The following DHRSX variants were observed in gnomAD, a reference collection of about 807,000 sequenced individuals.
DHRSX encodes dehydrogenase/reductase X-linked.
DHRSX carries 31 observed loss-of-function variants against 34.0 expected under a neutral mutation model. The observed-to-expected ratio is 0.91, with a 90% CI of 0.69 to 1.23. The LOEUF (loss-of-function observed/expected upper bound fraction) is 1.23. Ranked by LOEUF, DHRSX falls within the 50% of genes most tolerant of loss-of-function variation. DHRSX has a pLI of 0.00. For missense variants in DHRSX, 414 were observed against 428.1 expected (o/e 0.97, Z 0.29); for synonymous variants, 201 against 183.8 (o/e 1.09, Z -0.76).
intron 1 of DHRSX, among the ~76,000 whole-genome samples, chrX:2,455,418 G>A (rs996168791): frequency 6.6e-6 from 1 of 151,018 alleles, no homozygotes; most frequent in Non-Finnish European, 1.5e-5. Flanking sequence ...CCCGTGTAAC[G>A]AACCTGCGCA....
At chrX:2,402,905 G>C (rs1376589129) in intron 3 of DHRSX, among the ~76,000 whole-genome samples, 1 of 27,916 alleles carries the variant, frequency 3.6e-5, no homozygotes, top group African/African-American at 1.7e-4. Context: ...TTTTTTTTTT[G>C]AGATGGAGTC....
intron 1 of DHRSX, among the ~76,000 whole-genome samples, chrX:2,440,375 G>GT (rs2044047686): frequency 6.6e-6 from 1 of 151,528 alleles, no homozygotes; most frequent in African/African-American, 2.4e-5. Flanking sequence ...TAATTTTTGT[G>GT]TTTTTTTGTA....
intron 5 of DHRSX, among the ~76,000 whole-genome samples, chrX:2,259,843 C>T (rs773920768): frequency 7.3e-5 from 11 of 150,760 alleles, no homozygotes; most frequent in East Asian, 3.9e-4. Flanking sequence ...AGAAGGATAC[C>T]GGTCAGTGGA....
At chrX:2,397,602 C>T (rs991129677) in intron 3 of DHRSX, among the ~76,000 whole-genome samples, 2 of 151,142 alleles carry the variant, frequency 1.3e-5, no homozygotes, top group African/African-American at 4.9e-5. Context: ...CACAGCCAGG[C>T]AGGGTAGAGA....
chrX:2,456,044 G>A (rs908770027), intron 1 of DHRSX, among the ~76,000 whole-genome samples: 4 of 151,978 alleles, frequency 2.6e-5, no homozygotes, highest in Admixed American at 1.3e-4. Flanking sequence ...AAAGCTCCAT[G>A]GTGCCTAGCT....
chrX:2,485,672 GA>G (rs2044879955), intron 1 of DHRSX, among the ~76,000 whole-genome samples: 1 of 76,666 alleles, frequency 1.3e-5, no homozygotes, highest in African/African-American at 7.3e-5. Flanking sequence ...GGGAAGGAGG[GA>G]GGGGAGGAAA....
At chrX:2,383,137 CCATCATGACCATCAT>C (rs1326404711) in intron 3 of DHRSX, among the ~76,000 whole-genome samples, 1 of 151,110 alleles carries the variant, frequency 6.6e-6, no homozygotes, top group Non-Finnish European at 1.5e-5. Flanking sequence ...ATTGTCATCA[CCATCATGACCATCAT>C]CATCACTGAC....
At chrX:2,341,933 T>C (rs1280322760) in intron 3 of DHRSX, among the ~76,000 whole-genome samples, 1 of 152,116 alleles carries the variant, frequency 6.6e-6, no homozygotes, top group East Asian at 1.9e-4. Flanking sequence ...GCCTCCCAAG[T>C]ATCTGGGACT....
chrX:2,225,432 ATACT>A (rs1478418954), intron 6 of DHRSX, among the ~76,000 whole-genome samples: 1 of 152,206 alleles, frequency 6.6e-6, no homozygotes, highest in Non-Finnish European at 1.5e-5. Flanking sequence ...ATTCACATGC[ATACT>A]TATACACATG....
At chrX:2,242,338 G>A (rs752531775) in intron 6 of DHRSX, among the ~76,000 whole-genome samples, 3 of 141,308 alleles carry the variant, frequency 2.1e-5, no homozygotes, top group East Asian at 2.2e-4. Flanking sequence ...CACCGAGCTC[G>A]CACACAACCA....
At chrX:2,258,384 T>C (rs2041308850) in intron 5 of DHRSX, among the ~76,000 whole-genome samples, 1 of 152,018 alleles carries the variant, frequency 6.6e-6, no homozygotes, top group Non-Finnish European at 1.5e-5. Flanking sequence ...ACTTCTAGCG[T>C]CCAGGACTGT....
At chrX:2,335,609 C>T (rs1177326518) in intron 3 of DHRSX, among the ~76,000 whole-genome samples, 2 of 151,846 alleles carry the variant, frequency 1.3e-5, no homozygotes, top group African/African-American at 4.8e-5. Context: ...CGCCACCATG[C>T]CCAGCTAGTT....
At chrX:2,373,480 G>A (rs1435645176) in intron 3 of DHRSX, among the ~76,000 whole-genome samples, 1 of 152,088 alleles carries the variant, frequency 6.6e-6, no homozygotes, top group Non-Finnish European at 1.5e-5. Flanking sequence ...TTCTCCCCAC[G>A]CCAGAATTAG....
chrX:2,226,997 C>A (rs1398806537), intron 6 of DHRSX, among the ~76,000 whole-genome samples: 2 of 151,982 alleles, frequency 1.3e-5, no homozygotes, highest in Non-Finnish European at 2.9e-5. Flanking sequence ...CTTCCTCCTG[C>A]TGACAATGAA....
At chrX:2,317,256 C>CTTTTTTTTTTT (rs779722860) in intron 3 of DHRSX, among the ~76,000 whole-genome samples, 15,018 of 85,882 alleles carry the variant, frequency 0.17, 2,792 homozygotes, top group Non-Finnish European at 0.22. Context: ...CCGCGCCTGG[C>CTTTTTTTTTTT]TTTTTTTTTT....
chrX:2,493,086 C>T lies in DHRSX; in HGVS notation c.109+7731G>A, dbSNP rs910309922. Among the ~76,000 whole-genome samples the T allele has an allele frequency of 4.6e-5, 7 of 152,296 alleles. No individual in the cohort carries two copies. In the South Asian group the frequency reaches 1.0e-3, roughly 23 times the overall value. ...AGTGCCACTTCCCAAGACTGGGGTG[C>T]AAGGAGGGGGGTCCTGTGGCCAATG... On this transcript the variant is annotated intron_variant, in intron 1 of 6. Transcript: ENST00000334651.
At chrX:2,254,912 G>A (rs1187293799) in intron 5 of DHRSX, among the ~76,000 whole-genome samples, 1 of 151,404 alleles carries the variant, frequency 6.6e-6, no homozygotes, top group Non-Finnish European at 1.5e-5. Flanking sequence ...CATAGTGGTG[G>A]GATTACAGGT....
intron 3 of DHRSX, among the ~76,000 whole-genome samples, chrX:2,355,700 C>T (rs1278950262): frequency 7.2e-5 from 11 of 151,788 alleles, no homozygotes; most frequent in South Asian, 4.1e-4. Context: ...GTGCCGGAAA[C>T]GAGTAGGAGA....
intron 1 of DHRSX, among the ~76,000 whole-genome samples, chrX:2,455,741 CAAAAAAAAAAAA>C (rs752123891): frequency 3.3e-5 from 2 of 59,806 alleles, no homozygotes; most frequent in Non-Finnish European, 6.6e-5. Flanking sequence ...AACTTCGTCT[CAAAAAAAAAAAA>C]AAAAAAAACA....
Sources: allele counts gnomAD v4.1 joint callset (sites outside exome capture counted in the v4.1 genomes callset), GRCh38; gene constraint gnomAD v4.1.1; transcripts MANE v1.5; gene names NCBI Gene and HGNC (gene_info 2026-07-23, HGNC 2026-07-21).